Variants in SYNPR observed in about 807,000 individuals in gnomAD.
SYNPR encodes synaptoporin.
SYNPR carries 23 observed loss-of-function variants against 32.9 expected under a neutral mutation model. That is an observed-to-expected ratio of 0.70 (90% CI 0.50 to 0.99). The LOEUF is 0.99. SYNPR is among the 50% of genes least tolerant of loss of function. SYNPR has a pLI of 0.00. For missense variants in SYNPR, 318 were observed against 349.3 expected (o/e 0.91, Z 0.71); for synonymous variants, 146 against 135.9 (o/e 1.07, Z -0.52).
intron 4 of SYNPR, among the ~76,000 whole-genome samples, chr3:63,604,461 C>A (rs1347813071): frequency 4.6e-5 from 7 of 152,050 alleles, no homozygotes; most frequent in African/African-American, 1.7e-4. Context: ...ATCTTTGTAA[C>A]TTTTTGATGT....
At position 63,538,134 on chromosome 3, in the gene SYNPR, T is replaced by C. The variant is rs971411102; in HGVS notation, c.210-18409T>C. Among the ~76,000 whole-genome samples, 4 of 152,088 alleles carry C rather than the reference T, an allele frequency of 2.6e-5. No individual in the cohort carries two copies. The South Asian group carries it at 8.3e-4, about 31-fold the overall frequency. ...CACATAGACAAAAAGGATTAATAAT[T>C]TACAATGACATTTGATCGTGAGGCT... On this transcript the variant is annotated intron_variant, in intron 3 of 5. Coordinates refer to ENST00000478300, the MANE Select transcript of SYNPR (RefSeq NM_001130003.2).
intron 2 of SYNPR, among the ~76,000 whole-genome samples, chr3:63,293,057 A>G (rs2086756160): frequency 6.6e-6 from 1 of 152,248 alleles, no homozygotes; most frequent in African/African-American, 2.4e-5. Flanking sequence ...CAGAGAAAAA[A>G]AAAGCCCCAC....
intron 2 of SYNPR, among the ~76,000 whole-genome samples, chr3:63,404,982 T>C (rs1255126767): frequency 6.6e-6 from 1 of 152,074 alleles, no homozygotes; most frequent in Admixed American, 6.6e-5. Flanking sequence ...TGATCATTTA[T>C]TTGGTCACTT....
the SYNPR span, among the ~76,000 whole-genome samples, chr3:63,202,283 G>T: frequency 0.41 from 62,729 of 151,986 alleles, 14,252 homozygotes; most frequent in Admixed American, 0.52. Context: ...GAAGTTTGGG[G>T]ATATATGTTT....
intron 3 of SYNPR, among the ~76,000 whole-genome samples, chr3:63,495,135 G>C (rs1701347891): frequency 6.6e-6 from 1 of 152,116 alleles, no homozygotes; most frequent in Non-Finnish European, 1.5e-5. Flanking sequence ...TAAATAAGTT[G>C]TTGCTGACAC....
upstream of SYNPR, among the ~76,000 whole-genome samples, chr3:63,274,300 T>C (rs887545537): frequency 6.6e-6 from 1 of 152,246 alleles, no homozygotes; most frequent in African/African-American, 2.4e-5. Flanking sequence ...AGTTCTTCTA[T>C]TGCAGCTTGG....
chr3:63,451,027 T>C (rs777133366), intron 2 of SYNPR, among the ~76,000 whole-genome samples: 1 of 148,366 alleles, frequency 6.7e-6, no homozygotes. Context: ...CTCTGCGATA[T>C]AGGGGTATGT....
At chr3:63,444,296 G>A (rs954560644) in intron 2 of SYNPR, 1 of 152,292 alleles carries the variant, frequency 6.6e-6, no homozygotes, top group East Asian at 1.9e-4. Flanking sequence ...CTTTTTGTTC[G>A]AGAGTAAAAG....
At chr3:63,387,851 G>A (rs1045062728) in intron 2 of SYNPR, among the ~76,000 whole-genome samples, 1 of 152,222 alleles carries the variant, frequency 6.6e-6, no homozygotes, top group East Asian at 1.9e-4. Context: ...GAGACCGACT[G>A]CTATGTGGCA....
At chr3:63,381,477 C>T (rs942347189) in intron 2 of SYNPR, among the ~76,000 whole-genome samples, 1 of 152,190 alleles carries the variant, frequency 6.6e-6, no homozygotes, top group Non-Finnish European at 1.5e-5. Context: ...GGCCATACTG[C>T]CCAAGGTAAT....
chr3:63,529,601 A>G (rs1702075566), intron 3 of SYNPR, among the ~76,000 whole-genome samples: 1 of 152,224 alleles, frequency 6.6e-6, no homozygotes, highest in South Asian at 2.1e-4. Context: ...TTCCAACTGG[A>G]CTGTAATTGA....
At chr3:63,358,167 C>G (rs1191086976) in intron 2 of SYNPR, among the ~76,000 whole-genome samples, 3 of 152,166 alleles carry the variant, frequency 2.0e-5, no homozygotes, top group Admixed American at 2.0e-4. Context: ...GAATTCATTT[C>G]CTGTGTGTGC....
chr3:63,471,606 G>T (rs1013214679), intron 2 of SYNPR, among the ~76,000 whole-genome samples: 1 of 152,254 alleles, frequency 6.6e-6, no homozygotes, highest in Admixed American at 6.5e-5. Context: ...CCTGTATAGG[G>T]AGTGGAGCAT....
chr3:63,563,669 A>G (rs757479833), intron 4 of SYNPR, among the ~76,000 whole-genome samples: 3 of 152,088 alleles, frequency 2.0e-5, no homozygotes, highest in Non-Finnish European at 4.4e-5. Context: ...AGTGTCTTCA[A>G]CAGGCCAAGA....
At chr3:63,209,041 G>GA in the SYNPR span, among the ~76,000 whole-genome samples, 10 of 151,482 alleles carry the variant, frequency 6.6e-5, no homozygotes, top group South Asian at 6.3e-4. Flanking sequence ...TGAAAAGAAT[G>GA]AAAAAAAATG....
Position 63,512,378 on chromosome 3 carries a change from A to G in SYNPR, c.209+31422A>G, listed in dbSNP as rs536811928. Among the ~76,000 whole-genome samples, 15 of 152,264 alleles carry G rather than the reference A, an allele frequency of 9.9e-5. No homozygotes were observed. In the South Asian group the frequency reaches 3.1e-3, roughly 32 times the overall value. Reference sequence around the variant, plus strand: ...CCTCTTGACAACAACAACAACAAAAATACACATCCTAATCCCTAAAATCTA... The same window carrying G: ...CCTCTTGACAACAACAACAACAAAAGTACACATCCTAATCCCTAAAATCTA... On this transcript the variant is annotated intron_variant, in intron 3 of 5. Transcript: ENST00000478300.
At chr3:63,477,894 AC>A (rs1700962743) in intron 2 of SYNPR, among the ~76,000 whole-genome samples, 1 of 152,224 alleles carries the variant, frequency 6.6e-6, no homozygotes, top group African/African-American at 2.4e-5. Flanking sequence ...GTATGAGCTT[AC>A]ACAAATAGGG....
intron 1 of SYNPR, among the ~76,000 whole-genome samples, chr3:63,233,690 C>A (rs191605056): frequency 1.4e-5 from 2 of 147,660 alleles, no homozygotes; most frequent in African/African-American, 4.9e-5. Context: ...AATAATACTA[C>A]GTAAACTTGA....
intron 1 of SYNPR, among the ~76,000 whole-genome samples, chr3:63,232,666 T>C (rs1271267301): frequency 1.3e-5 from 2 of 152,196 alleles, no homozygotes; most frequent in Non-Finnish European, 2.9e-5. Flanking sequence ...TGCTGTGAAG[T>C]GTAGAGTCCT....
Sources: allele counts gnomAD v4.1 joint callset (sites outside exome capture counted in the v4.1 genomes callset), GRCh38; gene constraint gnomAD v4.1.1; transcripts MANE v1.5; gene names NCBI Gene and HGNC (gene_info 2026-07-23, HGNC 2026-07-21).